The following NOC3L variants were observed in gnomAD, a reference collection of about 807,000 sequenced individuals.
NOC3L encodes nucleolar complex protein 3 homolog.
A neutral mutation model predicts 102.5 loss-of-function variants in NOC3L; 85 were observed. The ratio of observed to expected loss-of-function variants is 0.83; its 90% CI spans 0.70 to 0.99. NOC3L has a LOEUF of 0.99. Ranked by LOEUF, NOC3L falls within the 50% of genes least tolerant of loss-of-function variation. The probability of loss-of-function intolerance (pLI) is 0.00; values close to 1 mark genes in which losing one functional copy is unlikely to be tolerated. For synonymous variants in NOC3L, 303 were observed against 309.4 expected (o/e 0.98, Z 0.22); for missense variants, 878 against 914.9 (o/e 0.96, Z 0.52).
At chr10:94,335,136 G>A (rs1171501396) in intron 19 of NOC3L, among the ~76,000 whole-genome samples, 1 of 152,182 alleles carries the variant, frequency 6.6e-6, no homozygotes, top group Non-Finnish European at 1.5e-5. Flanking sequence ...AACAAGGAAA[G>A]GCCATTCAGG....
the NOC3L span, chr10:94,324,538 T>C: frequency 5.6e-5 from 90 of 1,613,944 alleles, no homozygotes; most frequent in Non-Finnish European, 7.0e-5. Context: ...TGCAGGAAAA[T>C]TCATCCTTAA....
intron 13 of NOC3L, among the ~76,000 whole-genome samples, chr10:94,342,316 A>C (rs777556444): frequency 2.0e-5 from 3 of 152,160 alleles, no homozygotes; most frequent in Non-Finnish European, 4.4e-5. Flanking sequence ...GCTAAATTTG[A>C]GAGTTACTCC....
chr10:94,339,702 T>C, intron 17 of NOC3L, 37 bp downstream of exon 17: 2 of 1,519,534 alleles, frequency 1.3e-6, no homozygotes, highest in Non-Finnish European at 1.8e-6. Context: ...CATTGCATTA[T>C]AAGAACTTAG....
chr10:94,329,914 T>C (rs2054139864), downstream of NOC3L: 1 of 152,092 alleles, frequency 6.6e-6, no homozygotes, highest in African/African-American at 2.4e-5. Flanking sequence ...TCCAGTTTGA[T>C]GTAATCTATA....
At chr10:94,348,483 A>G (rs1009697229) in intron 10 of NOC3L, among the ~76,000 whole-genome samples, 31 of 151,992 alleles carry the variant, frequency 2.0e-4, no homozygotes, top group Non-Finnish European at 8.8e-5. Flanking sequence ...CCCAGGACCT[A>G]AAAAAAGTGC....
the NOC3L span, among the ~76,000 whole-genome samples, chr10:94,318,002 A>C: frequency 1.3e-5 from 2 of 152,192 alleles, no homozygotes. Flanking sequence ...AGTGAAGATA[A>C]TAGCCAATTT....
intron 20 of NOC3L, 101 bp downstream of exon 20, chr10:94,334,529 TAAAA>T: frequency 1.4e-6 from 1 of 699,202 alleles, no homozygotes; most frequent in South Asian, 2.1e-5. Flanking sequence ...TCCTAAACAT[TAAAA>T]AAAAAACTAC....
At chr10:94,336,983 C>T (rs937206733) in intron 19 of NOC3L, among the ~76,000 whole-genome samples, 1 of 150,780 alleles carries the variant, frequency 6.6e-6, no homozygotes, top group African/African-American at 2.4e-5. Flanking sequence ...GCAGGAGAAT[C>T]GCTTGAACCC....
chr10:94,357,106 T>TG (rs747436608), intron 4 of NOC3L, 68 bp downstream of exon 4: 9 of 1,177,408 alleles, frequency 7.6e-6, no homozygotes, highest in African/African-American at 1.6e-5. Context: ...AAATTTTGAG[T>TG]GAAAAAAAAA....
Position 94,334,153 on chromosome 10 carries a change from A to T in NOC3L, c.*24T>A. ...CATCTGCACACACAAATATACAAGAAAGTCCACTGACTTCATTCCTCTACT... is the reference window on the plus strand; with the variant it reads ...CATCTGCACACACAAATATACAAGATAGTCCACTGACTTCATTCCTCTACT... On this transcript the variant is annotated 3_prime_UTR_variant, in exon 21 of 21. Coordinates refer to ENST00000371361, the MANE Select transcript of NOC3L (RefSeq NM_022451.11). 1 of 1,039,188 alleles carries T rather than the reference A, an allele frequency of 9.6e-7. No homozygotes were observed. Among genetic ancestry groups the T allele is most frequent in the Non-Finnish European group, 1.5e-6 (1 of 669,374 alleles). 64.4% of individuals were successfully genotyped at this position (1,039,188 alleles called of 1,614,324 possible). A position where few individuals can be genotyped will look rare whatever the true frequency, so the allele number is the denominator to read the frequency against.
In NOC3L at chr10:94,361,786, C is replaced by T. The variant is rs200635284; in HGVS notation, c.96G>A (p.Gln32=). The T allele has an allele frequency of 1.2e-6, 2 of 1,609,396 alleles. No individual in the cohort carries two copies. Among genetic ancestry groups the T allele is most frequent in the African/African-American group, 2.7e-5 (2 of 74,846 alleles). ...VKLENKLKNK[Q]FKQQSTLKKY... ...TCTTGAGAGTGCTTTGTTGTTTAAA[C>T]TGCTTATTTTTTAGCTTGTTTTCAA... Residue 32 remains glutamine (Q), a synonymous_variant, in exon 2 of 21, where the codon CAG becomes CAA. Transcript: ENST00000371361.
the NOC3L span, chr10:94,321,933 CAA>C: frequency 5.9e-5 from 95 of 1,613,610 alleles, no homozygotes; most frequent in Non-Finnish European, 7.6e-5. Context: ...TTCAAGATGA[CAA>C]AGAGGTGATC....
intron 13 of NOC3L, among the ~76,000 whole-genome samples, chr10:94,342,869 A>G (rs1447676393): frequency 6.6e-6 from 1 of 152,024 alleles, no homozygotes; most frequent in Non-Finnish European, 1.5e-5. Context: ...TGGATCACCT[A>G]AGGTCAGGAG....
intron 5 of NOC3L, among the ~76,000 whole-genome samples, chr10:94,355,590 T>C (rs972563675): frequency 4.6e-5 from 7 of 151,800 alleles, no homozygotes; most frequent in Non-Finnish European, 1.0e-4. Flanking sequence ...GGTTTCACCA[T>C]GTGGCCCAGA....
At position 94,357,178 on chromosome 10, in the gene NOC3L, C is replaced by A. The variant is rs751471310; in HGVS notation, c.504G>T (p.Lys168Asn). 7.1e-6 allele frequency: 11 copies of A among 1,554,336 alleles called. No homozygotes were observed. The South Asian group carries it at 1.1e-4, about 16-fold the overall frequency. The change falls in exon 4 of 21, where the codon AAG (lysine) becomes AAT (asparagine). Residue 168 changes from lysine to asparagine, a missense_variant. Physicochemically the swap from Lys to Asn is moderately conservative, Grantham distance 94. Coordinates refer to ENST00000371361, the MANE Select transcript of NOC3L (RefSeq NM_022451.11). ...KSGIIPQTRE[K>N]PVTDSNKDEE... is the part of the protein sequence containing the mutation. ...TTACCAGTTTATTAGACTCACCTGG[C>A]TTCTCCCTAGTCTGTGGGATTATAC...
intron 2 of NOC3L, among the ~76,000 whole-genome samples, chr10:94,358,846 C>T (rs1027566852): frequency 6.6e-6 from 1 of 152,166 alleles, no homozygotes; most frequent in African/African-American, 2.4e-5. Context: ...ACTTAGACTG[C>T]AAGATTATCA....
intron 16 of NOC3L, 62 bp from the exon 17 acceptor site, chr10:94,339,982 T>A: frequency 7.1e-7 from 1 of 1,411,222 alleles, no homozygotes; most frequent in African/African-American, 1.4e-5. Context: ...GCAACTGGAC[T>A]GAACTTCAGA....
At chr10:94,327,550 T>C in the NOC3L span, among the ~76,000 whole-genome samples, 1 of 152,134 alleles carries the variant, frequency 6.6e-6, no homozygotes, top group Non-Finnish European at 1.5e-5. Context: ...AAAAGAAAGT[T>C]AGTTTAGTAT....
At chr10:94,342,662 A>T (rs1268386649) in intron 13 of NOC3L, among the ~76,000 whole-genome samples, 1 of 151,338 alleles carries the variant, frequency 6.6e-6, no homozygotes, top group East Asian at 1.9e-4. Flanking sequence ...AGCACTATAA[A>T]TTTTTTAAAA....
Sources: allele counts gnomAD v4.1 joint callset (sites outside exome capture counted in the v4.1 genomes callset), GRCh38; gene constraint gnomAD v4.1.1; transcripts MANE v1.5; gene names NCBI Gene and HGNC (gene_info 2026-07-23, HGNC 2026-07-21).